OSBPL10: variants seen among roughly 807,000 people sequenced by gnomAD.
OSBPL10 encodes oxysterol binding protein like 10.
OSBPL10 carries 49 observed loss-of-function variants against 81.7 expected under a neutral mutation model. The observed-to-expected ratio is 0.60, with a 90% CI of 0.48 to 0.76. OSBPL10 has a LOEUF of 0.76. Ranked by LOEUF, OSBPL10 falls within the 30% of genes least tolerant of loss-of-function variation. The pLI, the probability that OSBPL10 is intolerant of heterozygous loss-of-function variation, is 0.00. For missense variants in OSBPL10, 923 were observed against 987.8 expected (o/e 0.93, Z 0.88); for synonymous variants, 419 against 383.6 (o/e 1.09, Z -1.08).
chr3:31,847,314 G>C (rs4292269), intron 3 of OSBPL10, among the ~76,000 whole-genome samples: 2 of 151,590 alleles, frequency 1.3e-5, no homozygotes, highest in African/African-American at 4.9e-5. Flanking sequence ...CTCGTGCCTC[G>C]GCCTCCTAAG....
chr3:31,691,198 G>T (rs536749521), intron 7 of OSBPL10, among the ~76,000 whole-genome samples: 2 of 152,274 alleles, frequency 1.3e-5, no homozygotes, highest in South Asian at 4.1e-4. Flanking sequence ...GAGAGGATCT[G>T]CACTAGGGAC....
chr3:31,744,267 G>A (rs1435104725), intron 5 of OSBPL10, among the ~76,000 whole-genome samples: 1 of 152,092 alleles, frequency 6.6e-6, no homozygotes, highest in Non-Finnish European at 1.5e-5. Context: ...CTAGCCAGGT[G>A]CGGTGGCTCA....
At chr3:31,857,241 ATTAATCACTAT>A (rs1700934936) in intron 3 of OSBPL10, among the ~76,000 whole-genome samples, 1 of 152,210 alleles carries the variant, frequency 6.6e-6, no homozygotes, top group African/African-American at 2.4e-5. Context: ...AACAGAGACT[ATTAATCACTAT>A]TTAATTCAAA....
intron 1 of OSBPL10, among the ~76,000 whole-genome samples, chr3:31,963,590 G>A (rs902952574): frequency 7.2e-5 from 11 of 152,028 alleles, no homozygotes; most frequent in Admixed American, 3.3e-4. Context: ...CCAAAGAGGC[G>A]CCTGGCTTGC....
intron 2 of OSBPL10, among the ~76,000 whole-genome samples, chr3:31,877,839 G>A (rs1166318382): frequency 6.6e-6 from 1 of 152,172 alleles, no homozygotes; most frequent in Non-Finnish European, 1.5e-5. Flanking sequence ...AAAGACAAAG[G>A]ACTTTGCAGA....
chr3:31,830,428 C>A (rs942657343), intron 3 of OSBPL10, among the ~76,000 whole-genome samples, 197 bp from the exon 4 acceptor site: 1 of 152,196 alleles, frequency 6.6e-6, no homozygotes, highest in Non-Finnish European at 1.5e-5. Flanking sequence ...AGCTGCCCTT[C>A]TGGTTTCATC....
rs772036982 is a variant in OSBPL10 at position 31,748,070 on chromosome 3, C to T, written c.780G>A (p.Glu260=). The T allele has an allele frequency of 2.5e-6, 4 of 1,614,136 alleles. No homozygotes were observed. The highest frequency in any genetic ancestry group is 2.5e-6 in the Non-Finnish European group (3 of 1,180,020). ...TGAGGGGGCCGGACCCTGGCAGGGA[C>T]TCAATGGCGTGCACAAGGTTCTTCT... ...GQQKNLVHAI[E]SLPGSGPLTA... The change falls in exon 5 of 12, where the codon GAG becomes GAA. Residue 260 remains glutamate (E), a synonymous_variant. Transcript: ENST00000396556.
intron 1 of OSBPL10, among the ~76,000 whole-genome samples, chr3:31,922,082 G>A (rs1030565637): frequency 3.3e-5 from 5 of 152,150 alleles, no homozygotes; most frequent in Non-Finnish European, 5.9e-5. Context: ...GCAGTCAAGA[G>A]GAGCCTAAGG....
At chr3:31,783,804 AAAAAAAAAAAAAAAAAAAAATATATAT>A (rs1484764790) in intron 4 of OSBPL10, among the ~76,000 whole-genome samples, 1 of 67,266 alleles carries the variant, frequency 1.5e-5, no homozygotes, top group Non-Finnish European at 2.8e-5. Context: ...AAAAAAAAAA[AAAAAAAAAAAAAAAAAAAAATATATAT>A]ATATATATAT....
intron 2 of OSBPL10, among the ~76,000 whole-genome samples, chr3:31,993,330 C>T (rs1699054816): frequency 6.6e-6 from 1 of 152,040 alleles, no homozygotes; most frequent in Non-Finnish European, 1.5e-5. Flanking sequence ...CTGCCTCAGC[C>T]TCCCGGTAGC....
chr3:31,876,363 GAAAC>G, intron 3 of OSBPL10, 66 bp downstream of exon 3: 1 of 1,353,754 alleles, frequency 7.4e-7, no homozygotes, highest in South Asian at 1.2e-5. Flanking sequence ...CTTCCCCGAA[GAAAC>G]AAATAATGGG....
At chr3:31,718,349 G>A (rs919748399) in intron 6 of OSBPL10, 7 of 152,058 alleles carry the variant, frequency 4.6e-5, no homozygotes, top group Admixed American at 4.6e-4. Context: ...GGATGGTCTC[G>A]CTCTCCTGAC....
intron 3 of OSBPL10, among the ~76,000 whole-genome samples, chr3:31,857,838 GAA>G (rs1700963351): frequency 1.0e-5 from 1 of 97,598 alleles, no homozygotes; most frequent in African/African-American, 4.1e-5. Flanking sequence ...GAGGGAGAGG[GAA>G]AGAGGGAGGG....
intron 5 of OSBPL10, among the ~76,000 whole-genome samples, chr3:31,742,567 T>C (rs556814693): frequency 8.5e-5 from 13 of 152,364 alleles, no homozygotes; most frequent in African/African-American, 3.1e-4. Context: ...CTGGCAGCTA[T>C]GACTCCAGTG....
intron 6 of OSBPL10, among the ~76,000 whole-genome samples, chr3:31,719,485 A>G (rs184194752): frequency 1.3e-5 from 2 of 152,204 alleles, no homozygotes; most frequent in Admixed American, 1.3e-4. Flanking sequence ...AACTTCATAC[A>G]TAATTATAAA....
intron 3 of OSBPL10, among the ~76,000 whole-genome samples, chr3:31,867,822 C>A (rs898434323): frequency 7.9e-5 from 12 of 151,868 alleles, no homozygotes; most frequent in Non-Finnish European, 1.8e-4. Context: ...CAGAAATGAC[C>A]CAGACAGAAG....
intron 1 of OSBPL10, among the ~76,000 whole-genome samples, chr3:32,071,994 G>A (rs1205476562): frequency 6.6e-6 from 1 of 151,912 alleles, no homozygotes; most frequent in Non-Finnish European, 1.5e-5. Context: ...CTATGCTATA[G>A]TATCTTCCAC....
At chr3:31,712,846 C>A (rs9819360) in intron 6 of OSBPL10, among the ~76,000 whole-genome samples, 76,069 of 152,106 alleles carry the variant, frequency 0.5, 19,947 homozygotes, top group Middle Eastern at 0.62. Flanking sequence ...ATATGATCCT[C>A]CTCATCTCAG....
intron 4 of OSBPL10, among the ~76,000 whole-genome samples, chr3:31,787,367 G>A (rs1202917233): frequency 1.3e-5 from 2 of 152,110 alleles, no homozygotes; most frequent in African/African-American, 4.8e-5. Flanking sequence ...GGCCAAGGCG[G>A]GCAGATCACC....
Sources: allele counts gnomAD v4.1 joint callset (sites outside exome capture counted in the v4.1 genomes callset), GRCh38; gene constraint gnomAD v4.1.1; transcripts MANE v1.5; gene names NCBI Gene and HGNC (gene_info 2026-07-23, HGNC 2026-07-21).